TPCN1: variants seen among roughly 807,000 people sequenced by gnomAD.
The protein encoded by TPCN1 is two pore segment channel 1, also known as two pore channel protein 1.
A neutral mutation model predicts 108.8 loss-of-function variants in TPCN1; 52 were observed. That is an observed-to-expected ratio of 0.48 (90% CI 0.38 to 0.60). The LOEUF is 0.60. TPCN1 is among the 20% of genes least tolerant of loss of function. TPCN1 has a pLI of 0.00. For synonymous variants in TPCN1, 446 were observed against 433.7 expected (o/e 1.03, Z -0.35); for missense variants, 806 against 1,072.8 (o/e 0.75, Z 3.47).
In TPCN1 at chr12:113,278,826, A is replaced by G. The variant is rs918426239; in HGVS notation, c.1288A>G (p.Ile430Val). The change falls in exon 14 of 28, where the codon ATC becomes GTC. Residue 430 changes from isoleucine to valine, a missense_variant. Coordinates refer to ENST00000335509, the MANE Select transcript of TPCN1 (RefSeq NM_017901.6). ...FDELPRTALL[I>V]FKGINILVKS... ...TGAGCTTCCCAGGACGGCGCTCCTC[A>G]TCTTCAAAGGTAAGTGGGCTTGAGT... is the stretch of plus-strand genomic sequence containing the variant. 1.9e-6 allele frequency: 3 copies of G among 1,613,920 alleles called. No homozygotes were observed.
Position 113,297,357 on chromosome 12 carries a change from T to G in TPCN1, c.*1281T>G, listed in dbSNP as rs942025017. ...GGAGCCGCAGTGGCAGGATGGAGGG[T>G]GCGAAGGGCAAGGAGTGCACTGCTG... is the stretch of plus-strand genomic sequence containing the variant. On this transcript the variant is annotated 3_prime_UTR_variant, in exon 28 of 28. Transcript: ENST00000335509. This position sits in a 1 kb window ranked among gnomAD's most constrained non-coding sequence, Gnocchi z 4.4. The G allele has an allele frequency of 6.3e-6, 1 of 158,770 alleles. No individual in the cohort carries two copies. The highest frequency in any genetic ancestry group is 1.9e-4 in the South Asian group (1 of 5,178). 9.8% of individuals were successfully genotyped at this position (158,770 alleles called of 1,614,324 possible). A position where few individuals can be genotyped will look rare whatever the true frequency, so the allele number is the denominator to read the frequency against.
chr12:113,292,911 A>T (rs1396554448), intron 25 of TPCN1, 23 bp from the exon 26 acceptor site: 1 of 1,606,088 alleles, frequency 6.2e-7, no homozygotes, highest in South Asian at 1.1e-5. Context: ...GGCCCTTCCC[A>T]CACCTGCCTT....
Position 113,286,978 on chromosome 12 carries a change from C to G in TPCN1, c.1527-9C>G. 1.9e-6 allele frequency: 3 copies of G among 1,610,862 alleles called. No individual in the cohort carries two copies. Among genetic ancestry groups the G allele is most frequent in the Non-Finnish European group, 2.5e-6 (3 of 1,177,666 alleles). On this transcript the variant is annotated splice_polypyrimidine_tract_variant and intron_variant, in intron 18 of 27. Coordinates refer to ENST00000335509, the MANE Select transcript of TPCN1 (RefSeq NM_017901.6). ...CACAGGGTGGACCTTGGCCTCTCCC[C>G]TACTGCAGGTTTGACTTCTCCGTGA...
In TPCN1 at chr12:113,291,101, G is replaced by A. The variant is rs1047864568; in HGVS notation, c.1959+103G>A. 1.5e-5 allele frequency: 18 copies of A among 1,162,736 alleles called. No individual in the cohort carries two copies. The African/African-American group carries it at 2.7e-4, about 18-fold the overall frequency. 72.0% of individuals were successfully genotyped at this position (1,162,736 alleles called of 1,614,324 possible). ...TATAATTCTTCCCGTAGCTTGCAGG[G>A]CTGGGGGTCTTGAGTCATGCTGTGT... On this transcript the variant is annotated intron_variant, in intron 23 of 27. Transcript: ENST00000335509.
At chr12:113,261,054 C>A (rs1045203253) in intron 3 of TPCN1, among the ~76,000 whole-genome samples, 1 of 151,812 alleles carries the variant, frequency 6.6e-6, no homozygotes, top group Non-Finnish European at 1.5e-5. Flanking sequence ...ATTAGCTGGG[C>A]GTTGGTGGGC....
intron 3 of TPCN1, among the ~76,000 whole-genome samples, chr12:113,262,304 T>C (rs1566168897): frequency 6.6e-6 from 1 of 151,178 alleles, no homozygotes; most frequent in African/African-American, 2.4e-5. Context: ...TAGCCACTTG[T>C]GAGACTGAGG....
chr12:113,258,339 A>G (rs866483470), intron 2 of TPCN1, among the ~76,000 whole-genome samples: 10 of 152,096 alleles, frequency 6.6e-5, no homozygotes, highest in African/African-American at 1.2e-4. Flanking sequence ...GGTGTTAGGC[A>G]CCTGTAATCC....
In TPCN1 at chr12:113,232,021, C is replaced by T. The variant is rs1326422505; in HGVS notation, c.112+5057C>T. Among the ~76,000 whole-genome samples, 1 of 152,198 alleles carries T rather than the reference C, an allele frequency of 6.6e-6. No individual in the cohort carries two copies. Among genetic ancestry groups the T allele is most frequent in the African/African-American group, 2.4e-5 (1 of 41,454 alleles). Reference sequence around the variant, plus strand: ...TGGTCACACTCAGCTCTGCCTTCTCCCTGCCTTTAAAGCCAGCTGCTGCCT... The same window carrying T: ...TGGTCACACTCAGCTCTGCCTTCTCTCTGCCTTTAAAGCCAGCTGCTGCCT... On this transcript the variant is annotated intron_variant, in intron 2 of 27. Coordinates refer to ENST00000335509, the MANE Select transcript of TPCN1 (RefSeq NM_017901.6). This position sits in a 1 kb window ranked among gnomAD's most constrained non-coding sequence, Gnocchi z 5.6.
At chr12:113,262,092 A>T (rs982462787) in intron 3 of TPCN1, among the ~76,000 whole-genome samples, 1 of 152,198 alleles carries the variant, frequency 6.6e-6, no homozygotes, top group Non-Finnish European at 1.5e-5. Context: ...AAGAGCTTGG[A>T]TGAGGAAATA....
At position 113,273,733 on chromosome 12, in the gene TPCN1, G is replaced by A; in HGVS notation, c.942+65G>A. The A allele has an allele frequency of 7.7e-7, 1 of 1,296,052 alleles. No individual in the cohort carries two copies. The highest frequency in any genetic ancestry group is 1.1e-6 in the Non-Finnish European group (1 of 893,828). 80.3% of individuals were successfully genotyped at this position (1,296,052 alleles called of 1,614,324 possible). On this transcript the variant is annotated intron_variant, in intron 10 of 27. Coordinates refer to ENST00000335509, the MANE Select transcript of TPCN1 (RefSeq NM_017901.6). This position sits in a 1 kb window ranked among gnomAD's most constrained non-coding sequence, Gnocchi z 4.0. ...CCCTACCCATGCAGCACTAGGCACT[G>A]TGGGAGTGGAGAAGTGGGGACTGTC...
In TPCN1 at chr12:113,284,916, G is replaced by A. The variant is rs1345964346; in HGVS notation, c.1453+145G>A. On this transcript the variant is annotated intron_variant, in intron 17 of 27. Coordinates refer to ENST00000335509, the MANE Select transcript of TPCN1 (RefSeq NM_017901.6). This position sits in a 1 kb window ranked among gnomAD's most constrained non-coding sequence, Gnocchi z 4.1. ...ATCAGTCTGATTCCATCTCGTCCCC[G>A]TTTAAAACTCTTTCGTGGTTGTCCG... 3.4e-5 allele frequency: 32 copies of A among 955,092 alleles called. 1 individual carries two copies. Among genetic ancestry groups the A allele is most frequent in the Non-Finnish European group, 4.0e-5 (25 of 622,648 alleles). The allele number at this position is 955,092 out of a possible 1,614,324, so 59.2% of individuals were successfully genotyped here. A position where few individuals can be genotyped will look rare whatever the true frequency, so the allele number is the denominator to read the frequency against.
intron 2 of TPCN1, among the ~76,000 whole-genome samples, chr12:113,259,434 C>A (rs1954943217): frequency 6.6e-6 from 1 of 152,142 alleles, no homozygotes; most frequent in South Asian, 2.1e-4. Context: ...TGTGACAAAC[C>A]CAACTCAGAC....
chr12:113,246,387 G>C (rs936623862), intron 2 of TPCN1, among the ~76,000 whole-genome samples: 1 of 152,198 alleles, frequency 6.6e-6, no homozygotes, highest in African/African-American at 2.4e-5. Flanking sequence ...GTTTCCCTTC[G>C]TGGAACTTTC....
rs966886521 is a variant in TPCN1, at chr12:113,275,658, C to T, written c.943-1261C>T. 5.2e-4 allele frequency among the ~76,000 whole-genome samples: 79 copies of T among 151,706 alleles called. 2 individuals are homozygous for T. Among genetic ancestry groups the T allele is most frequent in the Admixed American group, 4.6e-4 (7 of 15,202 alleles). The stretch of plus-strand genomic sequence containing the variant: ...CGCGATCTCGGCTCACTACAACCTC[C>T]GCCTCCTGGATTCACACCATTCTCC... On this transcript the variant is annotated intron_variant, in intron 10 of 27. Transcript: ENST00000335509.
intron 2 of TPCN1, among the ~76,000 whole-genome samples, chr12:113,239,824 C>CT (rs1566143247): frequency 6.6e-6 from 1 of 152,184 alleles, no homozygotes; most frequent in South Asian, 2.1e-4. Context: ...GCCTGTCTCT[C>CT]TTTTTTATCT....
intron 14 of TPCN1, among the ~76,000 whole-genome samples, chr12:113,279,391 AT>A (rs60898872): frequency 9.5e-5 from 1 of 10,488 alleles, no homozygotes; most frequent in Non-Finnish European, 1.4e-4. Context: ...ATATATATAT[AT>A]TTTTTTTTTT....
intron 13 of TPCN1, 146 bp downstream of exon 13, chr12:113,278,383 A>G: frequency 4.2e-6 from 3 of 716,280 alleles, no homozygotes; most frequent in Non-Finnish European, 4.9e-6. Flanking sequence ...CAGGGATCAC[A>G]GGTGGCCCCA....
At chr12:113,286,153 G>A (rs1485956913) in intron 18 of TPCN1, among the ~76,000 whole-genome samples, 192 bp downstream of exon 18, 1 of 152,204 alleles carries the variant, frequency 6.6e-6, no homozygotes, top group Non-Finnish European at 1.5e-5. Context: ...GCCCTTGTCT[G>A]AAGCCTCTCA....
intron 2 of TPCN1, among the ~76,000 whole-genome samples, chr12:113,252,926 C>T (rs945286800): frequency 2.0e-5 from 3 of 152,148 alleles, no homozygotes; most frequent in East Asian, 1.9e-4. Context: ...TCAAACCGCA[C>T]CCAGATGTCC....
Sources: gnomAD v4.1 joint callset for allele counts (sites outside exome capture counted in the v4.1 genomes callset) on GRCh38, gnomAD v4.1.1 for gene constraint, Gnocchi (gnomAD v3.1) non-coding constraint, MANE v1.5 for transcripts, NCBI Gene and HGNC (gene_info 2026-07-23, HGNC 2026-07-21) for gene names.